The following UBE2E2 variants were observed in gnomAD, a reference collection of about 807,000 sequenced individuals.
UBE2E2 encodes ubiquitin conjugating enzyme E2 E2.
In UBE2E2, 6 loss-of-function variants were observed where a neutral mutation model predicts 24.7. The ratio of observed to expected loss-of-function variants is 0.24; its 90% CI spans 0.13 to 0.48. UBE2E2 has a LOEUF of 0.48. UBE2E2 is among the 20% of genes least tolerant of loss of function. The pLI is 0.99. For synonymous variants in UBE2E2, 104 were observed against 83.6 expected (o/e 1.24, Z -1.33); for missense variants, 169 against 245.0 (o/e 0.69, Z 2.07).
At chr3:23,531,236 C>A (rs985252191) in intron 4 of UBE2E2, among the ~76,000 whole-genome samples, 4 of 152,068 alleles carry the variant, frequency 2.6e-5, no homozygotes, top group African/African-American at 9.7e-5. Context: ...AGTGGCAGCA[C>A]CTGCAGAGAT....
intron 2 of UBE2E2, among the ~76,000 whole-genome samples, chr3:23,213,203 A>T (rs921863692): frequency 6.6e-6 from 1 of 152,052 alleles, no homozygotes; most frequent in African/African-American, 2.4e-5. Context: ...CTCTCAGTAA[A>T]TTTTTGAATT....
intron 3 of UBE2E2, among the ~76,000 whole-genome samples, chr3:23,247,267 A>G (rs559919821): frequency 5.9e-5 from 9 of 152,038 alleles, no homozygotes; most frequent in Non-Finnish European, 8.8e-5. Context: ...TTGGTTTCAT[A>G]TTGTTCTGGT....
rs555963184 is a variant in UBE2E2 at position 23,321,288 on chromosome 3, T to C, written c.227+103976T>C. Among the ~76,000 whole-genome samples, 3 of 152,248 alleles carry C rather than the reference T, an allele frequency of 2.0e-5. 1 individual carries two copies. Among genetic ancestry groups the C allele is most frequent in the African/African-American group, 7.2e-5 (3 of 41,542 alleles). ...TTTGGGAGGGGCTGGCACAATTCAG[T>C]CCATAAAGAGCTTGTTCTTTACCAG... On this transcript the variant is annotated intron_variant, in intron 3 of 5. Coordinates refer to ENST00000396703, the MANE Select transcript of UBE2E2 (RefSeq NM_152653.4).
intron 3 of UBE2E2, among the ~76,000 whole-genome samples, chr3:23,320,920 A>C (rs535265197): frequency 6.6e-6 from 1 of 152,340 alleles, no homozygotes; most frequent in African/African-American, 2.4e-5. Flanking sequence ...GGTGGCTTAA[A>C]ACAACAGAAG....
At chr3:23,273,049 A>G (rs1698288758) in intron 3 of UBE2E2, among the ~76,000 whole-genome samples, 1 of 152,082 alleles carries the variant, frequency 6.6e-6, no homozygotes, top group African/African-American at 2.4e-5. Context: ...TGTTTATCTC[A>G]TCAAAAAACA....
chr3:23,429,967 G>A (rs1324491757), intron 3 of UBE2E2, among the ~76,000 whole-genome samples: 1 of 152,150 alleles, frequency 6.6e-6, no homozygotes, highest in Admixed American at 6.5e-5. Flanking sequence ...TGCAGCCTCT[G>A]CCTCCCAGGT....
intron 3 of UBE2E2, among the ~76,000 whole-genome samples, chr3:23,441,351 C>G (rs1490832548): frequency 7.2e-6 from 1 of 138,972 alleles, no homozygotes; most frequent in Admixed American, 7.4e-5. Flanking sequence ...AGTGAAACCA[C>G]GTCTCTACTA....
chr3:23,557,383 C>T (rs1483861772), intron 5 of UBE2E2, among the ~76,000 whole-genome samples: 1 of 152,142 alleles, frequency 6.6e-6, no homozygotes, highest in Non-Finnish European at 1.5e-5. Flanking sequence ...CTTGTTTATT[C>T]CAGTTTAGGA....
chr3:23,309,396 T>C (rs1699317456), intron 3 of UBE2E2, among the ~76,000 whole-genome samples: 1 of 152,218 alleles, frequency 6.6e-6, no homozygotes, highest in South Asian at 2.1e-4. Context: ...ATATTTCAAA[T>C]ACCTCATTCA....
intron 3 of UBE2E2, among the ~76,000 whole-genome samples, chr3:23,348,645 A>G (rs1267877506): frequency 2.6e-5 from 4 of 152,178 alleles, no homozygotes; most frequent in Non-Finnish European, 4.4e-5. Flanking sequence ...TGGGGGACTG[A>G]GGTACATAGA....
At chr3:23,395,255 G>T (rs1697046788) in intron 3 of UBE2E2, among the ~76,000 whole-genome samples, 1 of 152,164 alleles carries the variant, frequency 6.6e-6, no homozygotes. Flanking sequence ...TCCAGGTCTG[G>T]ATTCTAGTAA....
chr3:23,536,255 G>A (rs1393426919), intron 5 of UBE2E2, among the ~76,000 whole-genome samples: 1 of 152,104 alleles, frequency 6.6e-6, no homozygotes, highest in Admixed American at 6.5e-5. Context: ...TAAAAAATGG[G>A]TATTTTACCT....
chr3:23,340,306 C>T (rs1027111936), intron 3 of UBE2E2, among the ~76,000 whole-genome samples: 3 of 152,046 alleles, frequency 2.0e-5, no homozygotes, highest in African/African-American at 7.2e-5. Flanking sequence ...AGCTAAAATA[C>T]AGAGTATTTA....
chr3:23,318,592 C>G (rs1431182012), intron 3 of UBE2E2, among the ~76,000 whole-genome samples: 1 of 151,976 alleles, frequency 6.6e-6, no homozygotes, highest in Non-Finnish European at 1.5e-5. Flanking sequence ...AAAGGCACGT[C>G]TATGTGGTGG....
chr3:23,546,676 T>C (rs1438558457), intron 5 of UBE2E2, among the ~76,000 whole-genome samples: 3 of 151,814 alleles, frequency 2.0e-5, no homozygotes, highest in African/African-American at 7.3e-5. Flanking sequence ...TTTCTCCATG[T>C]TGGTCAGGCT....
At chr3:23,210,023 C>T (rs1183272251) in intron 2 of UBE2E2, among the ~76,000 whole-genome samples, 9 of 151,998 alleles carry the variant, frequency 5.9e-5, no homozygotes, top group South Asian at 2.1e-4. Context: ...ACACAATTAC[C>T]GGGGACTCAG....
At chr3:23,479,034 T>A (rs57258152) in intron 3 of UBE2E2, among the ~76,000 whole-genome samples, 42,083 of 151,958 alleles carry the variant, frequency 0.28, 6,141 homozygotes, top group East Asian at 0.37. Context: ...TCCTTTGTAA[T>A]AGTGTCACAG....
At chr3:23,519,131 A>C (rs932875423) in intron 4 of UBE2E2, among the ~76,000 whole-genome samples, 6 of 152,214 alleles carry the variant, frequency 3.9e-5, no homozygotes, top group Non-Finnish European at 8.8e-5. Flanking sequence ...ATTTTTAAGT[A>C]AACCAATATT....
chr3:23,417,116 AGAG>A (rs1037463620), intron 3 of UBE2E2, among the ~76,000 whole-genome samples: 2 of 152,110 alleles, frequency 1.3e-5, no homozygotes, highest in African/African-American at 4.8e-5. Context: ...GTGATCTTTT[AGAG>A]GAGAAGAGGC....
Sources: allele counts gnomAD v4.1 joint callset (sites outside exome capture counted in the v4.1 genomes callset), GRCh38; gene constraint gnomAD v4.1.1; transcripts MANE v1.5; gene names NCBI Gene and HGNC (gene_info 2026-07-23, HGNC 2026-07-21).